CUX1: variants seen among roughly 807,000 people sequenced by gnomAD.
The protein encoded by CUX1 is protein CASP.
In CUX1, 31 loss-of-function variants were observed where a neutral mutation model predicts 158.8. The ratio of observed to expected loss-of-function variants is 0.20; its 90% CI spans 0.15 to 0.26. The LOEUF is 0.26. CUX1 is among the 10% of genes least tolerant of loss of function. The pLI is 1.00. For synonymous variants in CUX1, 879 were observed against 862.1 expected (o/e 1.02, Z -0.34); for missense variants, 1,589 against 2,014.6 (o/e 0.79, Z 4.04).
chr7:102,157,338 C>T (rs1789885528), intron 8 of CUX1, among the ~76,000 whole-genome samples: 1 of 150,916 alleles, frequency 6.6e-6, no homozygotes, highest in African/African-American at 2.5e-5. Context: ...AAAAAAAAAA[C>T]CTTCCTTGGG....
intron 8 of CUX1, among the ~76,000 whole-genome samples, chr7:102,127,114 C>T (rs1832723695): frequency 1.3e-5 from 2 of 152,266 alleles, no homozygotes; most frequent in South Asian, 4.1e-4. Flanking sequence ...TTCCCTCCTG[C>T]AGCGCATCTC....
intron 9 of CUX1, among the ~76,000 whole-genome samples, chr7:102,159,900 G>T (rs201026230): frequency 2.0e-5 from 3 of 151,896 alleles, no homozygotes; most frequent in East Asian, 3.9e-4. Context: ...CCAGCCTTGG[G>T]CTGGGTGTAG....
At chr7:101,902,579 G>A (rs1262297569) in intron 1 of CUX1, among the ~76,000 whole-genome samples, 1 of 152,182 alleles carries the variant, frequency 6.6e-6, no homozygotes, top group African/African-American at 2.4e-5. Context: ...TTCATTAGTT[G>A]GTCCCTGGAG....
chr7:102,275,501 C>A, intron 17 of CUX1: 1 of 640,486 alleles, frequency 1.6e-6, no homozygotes, highest in Non-Finnish European at 2.6e-6. Context: ...GGGAGGGCTT[C>A]CTGGAGGAGG....
intron 2 of CUX1, among the ~76,000 whole-genome samples, chr7:101,939,146 G>T (rs1563036214): frequency 7.9e-6 from 1 of 127,278 alleles, no homozygotes; most frequent in Non-Finnish European, 1.6e-5. Context: ...ATTCTCCCAG[G>T]CCTCTATGTA....
At chr7:102,070,561 G>A (rs2130579504) in intron 4 of CUX1, 144 bp downstream of exon 4, 1 of 628,752 alleles carries the variant, frequency 1.6e-6, no homozygotes, top group South Asian at 1.9e-5. Flanking sequence ...AGGGAGTGCA[G>A]GACACATGAA....
intron 3 of CUX1, among the ~76,000 whole-genome samples, chr7:102,055,395 C>T (rs534706522): frequency 6.6e-6 from 1 of 152,230 alleles, no homozygotes; most frequent in African/African-American, 2.4e-5. Flanking sequence ...ATTATTTTTC[C>T]AACTGCAGGT....
Position 101,869,628 on chromosome 7 carries a change from G to A in CUX1, c.31-46487G>A, listed in dbSNP as rs1341466087. ...GCCAAGGTCAGGCGGCCAGCAGGGCGGGAGGAGGCGTTGGTGTGCACACGC... is the reference window on the plus strand; with the variant it reads ...GCCAAGGTCAGGCGGCCAGCAGGGCAGGAGGAGGCGTTGGTGTGCACACGC... On this transcript the variant is annotated intron_variant, in intron 1 of 23. Coordinates refer to ENST00000292535, the MANE Select transcript of CUX1 (RefSeq NM_181552.4). The surrounding 1 kb of genome is among the most constrained non-coding windows in gnomAD (Gnocchi z 4.5). 1.3e-5 allele frequency among the ~76,000 whole-genome samples: 2 copies of A among 152,118 alleles called. No individual in the cohort carries two copies. The highest frequency in any genetic ancestry group is 1.9e-4 in the East Asian group (1 of 5,176).
chr7:102,010,375 C>T (rs1183677385), intron 2 of CUX1, among the ~76,000 whole-genome samples: 2 of 119,256 alleles, frequency 1.7e-5, no homozygotes, highest in East Asian at 2.5e-4. Context: ...GCCTGGGCAA[C>T]AGAACAAGAA....
downstream of CUX1, among the ~76,000 whole-genome samples, chr7:102,259,890 G>A (rs1197764661): frequency 6.6e-6 from 1 of 151,898 alleles, no homozygotes; most frequent in African/African-American, 2.4e-5. Flanking sequence ...GAGCCCAGGA[G>A]TTTGAGACCA....
intron 9 of CUX1, among the ~76,000 whole-genome samples, chr7:102,163,370 C>T (rs1424341949): frequency 1.3e-5 from 2 of 151,760 alleles, no homozygotes. Context: ...TGGTGTGCAC[C>T]TGTGGTCCCA....
At position 102,257,316 on chromosome 7, in the gene CUX1, T is replaced by C; in HGVS notation, c.*8274T>C. 1 of 985,044 alleles carries C rather than the reference T, an allele frequency of 1.0e-6. No homozygotes were observed. The highest frequency in any genetic ancestry group is 1.2e-6 in the Non-Finnish European group (1 of 829,812). 61.0% of individuals were successfully genotyped at this position (985,044 alleles called of 1,614,324 possible). Reference sequence around the variant, plus strand: ...CATCTCCCCAGAAGCCTTTTTTTTTTTCATTTTTCTCTAATTAGTCTATGC... The same window carrying C: ...CATCTCCCCAGAAGCCTTTTTTTTTCTCATTTTTCTCTAATTAGTCTATGC... On this transcript the variant is annotated 3_prime_UTR_variant, in exon 24 of 24. Coordinates refer to ENST00000292535, the MANE Select transcript of CUX1 (RefSeq NM_181552.4).
At chr7:102,037,293 T>C (rs1301508060) in intron 3 of CUX1, among the ~76,000 whole-genome samples, 3 of 152,072 alleles carry the variant, frequency 2.0e-5, no homozygotes, top group African/African-American at 7.2e-5. Flanking sequence ...CTTTAAACTT[T>C]ATAGAATAAA....
In CUX1 at chr7:102,082,554, G is replaced by A. The variant is rs141554380; in HGVS notation, c.268+12137G>A. Among the ~76,000 whole-genome samples the A allele has an allele frequency of 8.5e-4, 125 of 147,228 alleles. 13 individuals carry two copies. The highest frequency in any genetic ancestry group is 1.8e-3 in the Admixed American group (26 of 14,570). On this transcript the variant is annotated intron_variant, in intron 4 of 23. Transcript: ENST00000292535. ...TACATAAACACATACAATGAAATGC[G>A]CTCATTTCAAGTGTGCAGTGTGATA... is the stretch of plus-strand genomic sequence containing the variant.
chr7:101,980,768 T>C (rs1159292884), intron 2 of CUX1, among the ~76,000 whole-genome samples: 1 of 152,032 alleles, frequency 6.6e-6, no homozygotes, highest in African/African-American at 2.4e-5. Context: ...ACAGGGCTCC[T>C]GAAGGCCCCG....
chr7:102,053,350 A>G (rs1823756435), intron 3 of CUX1, among the ~76,000 whole-genome samples: 1 of 152,174 alleles, frequency 6.6e-6, no homozygotes, highest in Non-Finnish European at 1.5e-5. Context: ...GGTGGAGCAC[A>G]TGAGATGTTT....
chr7:102,252,623 G>GA lies in CUX1; in HGVS notation c.*3582dup. 1 of 985,304 alleles carries GA rather than the reference G, an allele frequency of 1.0e-6. No homozygotes were observed. Among genetic ancestry groups the GA allele is most frequent in the African/African-American group, 1.7e-5 (1 of 57,222 alleles). The allele number at this position is 985,304 out of a possible 1,614,324, so 61.0% of individuals were successfully genotyped here. A position where few individuals can be genotyped will look rare whatever the true frequency, so the allele number is the denominator to read the frequency against. On this transcript the variant is annotated 3_prime_UTR_variant, in exon 24 of 24. Transcript: ENST00000292535. ...TGTTTGCATTTAGCCTCTTGACCCG[G>GA]AGTTCCGGCCCAAGCTCCCTTGTGA... is the stretch of plus-strand genomic sequence containing the variant.
intron 3 of CUX1, among the ~76,000 whole-genome samples, chr7:102,039,242 T>C (rs974517346): frequency 6.6e-6 from 1 of 152,082 alleles, no homozygotes. Flanking sequence ...CGAGAGAGGA[T>C]TCCAAGTCAC....
intron 21 of CUX1, chr7:102,282,037 T>C: frequency 5.3e-6 from 4 of 753,118 alleles, no homozygotes; most frequent in Non-Finnish European, 9.4e-6. Context: ...GCTGCATCTC[T>C]AGCTTGCGGC....
Sources: allele counts gnomAD v4.1 joint callset (sites outside exome capture counted in the v4.1 genomes callset), GRCh38; gene constraint gnomAD v4.1.1; non-coding constraint Gnocchi (gnomAD v3.1); transcripts MANE v1.5; gene names NCBI Gene and HGNC (gene_info 2026-07-23, HGNC 2026-07-21).